Variants in TFDP3 observed in about 807,000 individuals in gnomAD.
The protein encoded by TFDP3 is E2F-like protein.
For synonymous variants in TFDP3, 167 were observed against 131.3 expected, an observed-to-expected ratio of 1.27 and a Z score of -1.86; for missense variants, 353 against 321.6, an observed-to-expected ratio of 1.10 and a Z score of -0.75.
At position 133,218,144 on chromosome X, in the gene TFDP3, T is replaced by C; in HGVS notation, c.116A>G (p.Lys39Arg). 1 of 1,208,649 alleles carries C rather than the reference T, an allele frequency of 8.3e-7. No homozygotes were observed. The highest frequency in any genetic ancestry group is 1.8e-5 in the South Asian group (1 of 56,346). The stretch of plus-strand genomic sequence containing the variant: ...TCCAAAGGTTTTCGGCAAGAGCTGC[T>C]TCCCGAGCGGGTTCACGGTGGAGGT... ...VHTSTVNPLG[K>R]QLLPKTFGQS... Residue 39 changes from lysine to arginine, a missense_variant, in exon 1 of 1, where the codon AAG becomes AGG. Coordinates refer to ENST00000310125, the MANE Select transcript of TFDP3 (RefSeq NM_016521.3).
At position 133,216,832 on chromosome X, in the gene TFDP3, A is replaced by C; in HGVS notation, c.*210T>G. 1 of 414,101 alleles carries C rather than the reference A, an allele frequency of 2.4e-6. No homozygotes were observed. The highest frequency in any genetic ancestry group is 3.8e-6 in the Non-Finnish European group (1 of 264,058). 34.1% of individuals were successfully genotyped at this position (414,101 alleles called of 1,213,427 possible). A position where few individuals can be genotyped will look rare whatever the true frequency, so the allele number is the denominator to read the frequency against. On this transcript the variant is annotated 3_prime_UTR_variant, in exon 1 of 1. Transcript: ENST00000310125. ...AAGTAAATAAAGATTCTGTGTCAGC[A>C]CACTGGTATCAAAACACACATCAAC...
Position 133,217,550 on chromosome X carries a change from T to A in TFDP3, c.710A>T (p.Tyr237Phe). 8.3e-7 allele frequency: 1 copy of A among 1,212,103 alleles called. No individual in the cohort carries two copies. ...AFKNLVLRNQ[Y>F]VEEQVSQRPL... Reference sequence around the variant, plus strand: ...CCGCTGGCTGACCTGCTCCTCCACATACTGGTTTCTCAGCACCAGGTTCTT... The same window carrying A: ...CCGCTGGCTGACCTGCTCCTCCACAAACTGGTTTCTCAGCACCAGGTTCTT... Residue 237 changes from tyrosine to phenylalanine, a missense_variant, in exon 1 of 1, where the codon TAT becomes TTT. Transcript: ENST00000310125.
rs766626788 is a variant in TFDP3, at chrX:133,218,061, C to G, written c.199G>C (p.Ala67Pro). 7 of 1,211,412 alleles carry G rather than the reference C, an allele frequency of 5.8e-6. No homozygotes were observed. The highest frequency in any genetic ancestry group is 7.8e-6 in the Non-Finnish European group (7 of 895,465). ...VVIGMPQRPA[A>P]SNIPVVGSPN... ...CTTCCTACCACAGGGATGTTTGATG[C>G]TGCTGGTCTCTGAGGCATACCAATT... Residue 67 changes from alanine to proline, a missense_variant, in exon 1 of 1, where the codon GCA (alanine) becomes CCA (proline). Transcript: ENST00000310125.
In TFDP3 at chrX:133,217,791, C is replaced by T. The variant is rs369636843; in HGVS notation, c.469G>A (p.Val157Met). Residue 157 changes from valine (V) to methionine (M), a missense_variant, in exon 1 of 1, where the codon GTG becomes ATG. Val to Met is a conservative substitution (Grantham distance 21, BLOSUM62 1). Transcript: ENST00000310125. ...TAGGTGCGCCGTTTTATGTTTTTCACGTCATAAGCTGACTCGTTTGGTGAG... is the reference window on the plus strand; with the variant it reads ...TAGGTGCGCCGTTTTATGTTTTTCATGTCATAAGCTGACTCGTTTGGTGAG... The part of the protein sequence containing the change: ...HASPNESAYD[V>M]KNIKRRTYDA... 1.7e-6 allele frequency: 2 copies of T among 1,209,648 alleles called. No homozygotes were observed. Among genetic ancestry groups the T allele is most frequent in the African/African-American group, 1.8e-5 (1 of 57,017 alleles).
In TFDP3 at chrX:133,217,129, G is replaced by A. The variant is rs1445834206; in HGVS notation, c.1131C>T (p.Gly377=). The change falls in exon 1 of 1, where the codon GGC becomes GGT. Residue 377 remains glycine (G), a synonymous_variant. Coordinates refer to ENST00000310125, the MANE Select transcript of TFDP3 (RefSeq NM_016521.3). Reference sequence around the variant, plus strand: ...CGACTGCTGGGGTCTCCACCCTGGAGCCACTGTACTGAGATCCACCGGAGC... The same window carrying A: ...CGACTGCTGGGGTCTCCACCCTGGAACCACTGTACTGAGATCCACCGGAGC... ...ATSSGGSQYS[G]SRVETPAVEE... 8.3e-7 allele frequency: 1 copy of A among 1,209,708 alleles called. No homozygotes were observed. The highest frequency in any genetic ancestry group is 1.1e-6 in the Non-Finnish European group (1 of 895,232).
In TFDP3 at chrX:133,216,901, G is replaced by T. The variant is rs1018428492; in HGVS notation, c.*141C>A. The stretch of plus-strand genomic sequence containing the variant: ...GGGAAACAATCCTTGCTTATCAGAG[G>T]TGCATATCTAAATTCTATAGCTTAC... On this transcript the variant is annotated 3_prime_UTR_variant, in exon 1 of 1. Coordinates refer to ENST00000310125, the MANE Select transcript of TFDP3 (RefSeq NM_016521.3). The T allele has an allele frequency of 3.5e-6, 3 of 858,954 alleles. No homozygotes were observed. The highest frequency in any genetic ancestry group is 4.2e-5 in the African/African-American group (2 of 47,997). 70.8% of individuals were successfully genotyped at this position (858,954 alleles called of 1,213,427 possible).
At position 133,216,978 on chromosome X, in the gene TFDP3, A is replaced by G; in HGVS notation, c.*64T>C. The stretch of plus-strand genomic sequence containing the variant: ...AAGAAACAGAAAACCTCACATTAAA[A>G]AAAAAAAAAAAGTTTCTTTTCCCTA... On this transcript the variant is annotated 3_prime_UTR_variant, in exon 1 of 1. Coordinates refer to ENST00000310125, the MANE Select transcript of TFDP3 (RefSeq NM_016521.3). 3 of 1,126,127 alleles carry G rather than the reference A, an allele frequency of 2.7e-6. No homozygotes were observed. Among genetic ancestry groups the G allele is most frequent in the Non-Finnish European group, 3.5e-6 (3 of 855,606 alleles). 92.8% of individuals were successfully genotyped at this position (1,126,127 alleles called of 1,213,427 possible). A position where few individuals can be genotyped will look rare whatever the true frequency, so the allele number is the denominator to read the frequency against.
At position 133,217,988 on chromosome X, in the gene TFDP3, T is replaced by TA. The variant is rs780344897; in HGVS notation, c.271dup (p.Tyr91LeufsTer66). ...CTGCCCGGCCCAAGGAGGTGAGGAG[T>TA]AGGAATGCTGGTTCTGAGAGGCAAA... On this transcript the variant is annotated frameshift_variant, in exon 1 of 1. Transcript: ENST00000310125. LOFTEE classifies it low-confidence loss of function (END_TRUNC). 2.5e-6 allele frequency: 3 copies of TA among 1,209,012 alleles called. No homozygotes were observed. The highest frequency in any genetic ancestry group is 3.4e-6 in the Non-Finnish European group (3 of 895,038).
In TFDP3 at chrX:133,216,850, A is replaced by G; in HGVS notation, c.*192T>C. 2.0e-6 allele frequency: 1 copy of G among 495,301 alleles called. No homozygotes were observed. Among genetic ancestry groups the G allele is most frequent in the South Asian group, 6.0e-5 (1 of 16,745 alleles). The allele number at this position is 495,301 out of a possible 1,213,427, so 40.8% of individuals were successfully genotyped here. A position where few individuals can be genotyped will look rare whatever the true frequency, so the allele number is the denominator to read the frequency against. On this transcript the variant is annotated 3_prime_UTR_variant, in exon 1 of 1. Transcript: ENST00000310125. ...TGTCAGCACACTGGTATCAAAACAC[A>G]CATCAACAGCACGTCTTAATCATAC...
chrX:133,217,504 G>A lies in TFDP3; in HGVS notation c.756C>T (p.Ile252=), dbSNP rs1569328883. Residue 252 remains isoleucine (I), a synonymous_variant, in exon 1 of 1, where the codon ATC becomes ATT. Transcript: ENST00000310125. ...TGCTGATGATGATGAAGGGCACGTG[G>A]ATGACTGAGTTGGGCAGCGGCCGCT... The part of the protein sequence containing the change: ...VSQRPLPNSV[I]HVPFIIISSS... 2.5e-6 allele frequency: 3 copies of A among 1,212,179 alleles called. No individual in the cohort carries two copies. Among genetic ancestry groups the A allele is most frequent in the East Asian group, 5.9e-5 (2 of 33,868 alleles).
At position 133,217,812 on chromosome X, in the gene TFDP3, G is replaced by C. The variant is rs770582451; in HGVS notation, c.448C>G (p.Pro150Ala). ...KFRAASNHAS[P>A]NESAYDVKNI... ...TTCACGTCATAAGCTGACTCGTTTGGTGAGGCGTGGTTGCTGGCAGCTCTG... is the reference window on the plus strand; with the variant it reads ...TTCACGTCATAAGCTGACTCGTTTGCTGAGGCGTGGTTGCTGGCAGCTCTG... The change falls in exon 1 of 1, where the codon CCA (proline) becomes GCA (alanine). Residue 150 changes from proline (P) to alanine (A), a missense_variant. Pro to Ala is a conservative substitution (Grantham distance 27, BLOSUM62 -1). Transcript: ENST00000310125. 8.3e-6 allele frequency: 10 copies of C among 1,211,588 alleles called. No homozygotes were observed. Among genetic ancestry groups the C allele is most frequent in the Non-Finnish European group, 1.1e-5 (10 of 895,487 alleles).
chrX:133,217,071 C>G lies in TFDP3; in HGVS notation c.1189G>C (p.Asp397His). ...EEEEEDNNDD[D>H]LSENDEDD is the part of the protein sequence containing the mutation. ...TCATCCTCGTCATTCTCACTGAGGT[C>G]GTCATCGTTGTTGTCCTCCTCCTCT... The change falls in exon 1 of 1, where the codon GAC (aspartate) becomes CAC (histidine). Residue 397 changes from aspartate (D) to histidine (H), a missense_variant. By Grantham distance (81) the Asp-to-His change is moderately conservative (BLOSUM62 -1). Coordinates refer to ENST00000310125, the MANE Select transcript of TFDP3 (RefSeq NM_016521.3). The G allele has an allele frequency of 8.3e-7, 1 of 1,207,226 alleles. No homozygotes were observed. Among genetic ancestry groups the G allele is most frequent in the Non-Finnish European group, 1.1e-6 (1 of 892,499 alleles).
chrX:133,217,026 T>G lies in TFDP3; in HGVS notation c.*16A>C. On this transcript the variant is annotated 3_prime_UTR_variant, in exon 1 of 1. Transcript: ENST00000310125. ...CTAAATGTTTTCCTGAAGCTGAATC[T>G]TAAGGCGAGAGGACGTCAGTCATCC... The G allele has an allele frequency of 1.7e-6, 2 of 1,169,682 alleles. No homozygotes were observed. Among genetic ancestry groups the G allele is most frequent in the Non-Finnish European group, 2.3e-6 (2 of 875,023 alleles).
In TFDP3 at chrX:133,217,173, T is replaced by C. The variant is rs1165455706; in HGVS notation, c.1087A>G (p.Ile363Val). Residue 363 changes from isoleucine to valine, a missense_variant, in exon 1 of 1, where the codon ATT becomes GTT. Transcript: ENST00000310125. ...CCGGAGCTTGTGGCCAGCATCCCAATCGCAATGTTGGTCAGGTCACTGGCA... is the reference window on the plus strand; with the variant it reads ...CCGGAGCTTGTGGCCAGCATCCCAACCGCAATGTTGGTCAGGTCACTGGCA... ...LSASDLTNIAIGMLATSSGGS... is the reference protein window; with the variant it reads ...LSASDLTNIAVGMLATSSGGS... The C allele has an allele frequency of 2.5e-6, 3 of 1,211,282 alleles. No individual in the cohort carries two copies. The highest frequency in any genetic ancestry group is 1.8e-5 in the South Asian group (1 of 56,926).
In TFDP3 at chrX:133,217,676, T is replaced by A. The variant is rs1257404233; in HGVS notation, c.584A>T (p.Gln195Leu). The A allele has an allele frequency of 8.3e-7, 1 of 1,210,634 alleles. No individual in the cohort carries two copies. The highest frequency in any genetic ancestry group is 1.7e-5 in the African/African-American group (1 of 57,375). ...KWIGLTTNSA[Q>L]NCQNLRVERQ... ...TTCCACCCGTAAGTTCTGACAGTTC[T>A]GAGCCGAGTTGGTGGTCAGACCAAT... Residue 195 changes from glutamine to leucine, a missense_variant, in exon 1 of 1, where the codon CAG becomes CTG. By Grantham distance (113) the Gln-to-Leu change is moderately radical (BLOSUM62 -2). Coordinates refer to ENST00000310125, the MANE Select transcript of TFDP3 (RefSeq NM_016521.3).
chrX:133,217,290 C>A lies in TFDP3; in HGVS notation c.970G>T (p.Ala324Ser), dbSNP rs2068015916. The A allele has an allele frequency of 8.3e-7, 1 of 1,210,697 alleles. No homozygotes were observed. The highest frequency in any genetic ancestry group is 2.2e-5 in the Admixed American group (1 of 45,836). ...LKMARNLVPK[A>S]LEPYVTEMAQ... ...ATTTCTGTCACGTACGGCTCCAGAG[C>A]CTTTGGGACCAAATTTCTGGCCATT... The change falls in exon 1 of 1, where the codon GCT becomes TCT. Residue 324 changes from alanine to serine, a missense_variant. Ala to Ser is a moderately conservative substitution (Grantham distance 99). Transcript: ENST00000310125.
rs770998600 is a variant in TFDP3, at chrX:133,217,514, T to C, written c.746A>G (p.Asn249Ser). Residue 249 changes from asparagine to serine, a missense_variant, in exon 1 of 1, where the codon AAC becomes AGC. Asn to Ser is a conservative substitution (Grantham distance 46). Transcript: ENST00000310125. ...EEQVSQRPLPNSVIHVPFIII... is the reference protein window; with the variant it reads ...EEQVSQRPLPSSVIHVPFIII... ...GATGAAGGGCACGTGGATGACTGAGTTGGGCAGCGGCCGCTGGCTGACCTG... is the reference window on the plus strand; with the variant it reads ...GATGAAGGGCACGTGGATGACTGAGCTGGGCAGCGGCCGCTGGCTGACCTG... 6.6e-6 allele frequency: 8 copies of C among 1,210,421 alleles called. No individual in the cohort carries two copies. Among genetic ancestry groups the C allele is most frequent in the Non-Finnish European group, 1.1e-6 (1 of 895,395 alleles).
chrX:133,217,087 C>T lies in TFDP3; in HGVS notation c.1173G>A (p.Glu391=), dbSNP rs1372018513. ...CACTGAGGTCGTCATCGTTGTTGTC[C>T]TCCTCCTCTTCCTCCTCGACTGCTG... ...ETPAVEEEEE[E]DNNDDDLSEN... Residue 391 remains glutamate (E), a synonymous_variant, in exon 1 of 1, where the codon GAG becomes GAA. Coordinates refer to ENST00000310125, the MANE Select transcript of TFDP3 (RefSeq NM_016521.3). 3 of 1,210,164 alleles carry T rather than the reference C, an allele frequency of 2.5e-6. No individual in the cohort carries two copies. In the Admixed American group the frequency reaches 6.5e-5, roughly 26 times the overall value.
Position 133,218,030 on chromosome X carries a change from T to A in TFDP3, c.230A>T (p.Asn77Ile). ...AGAGGCAAAGTGAGTGCTGGGTGGGTTTGGGCTTCCTACCACAGGGATGTT... is the reference window on the plus strand; with the variant it reads ...AGAGGCAAAGTGAGTGCTGGGTGGGATTGGGCTTCCTACCACAGGGATGTT... The part of the protein sequence containing the change: ...ASNIPVVGSP[N>I]PPSTHFASQN... Residue 77 changes from asparagine (N) to isoleucine (I), a missense_variant, in exon 1 of 1, where the codon AAC (asparagine) becomes ATC (isoleucine). Physicochemically the swap from Asn to Ile is moderately radical, Grantham distance 149 (BLOSUM62 -3). Coordinates refer to ENST00000310125, the MANE Select transcript of TFDP3 (RefSeq NM_016521.3). 8.3e-7 allele frequency: 1 copy of A among 1,211,455 alleles called. No individual in the cohort carries two copies. Among genetic ancestry groups the A allele is most frequent in the Non-Finnish European group, 1.1e-6 (1 of 895,434 alleles).
Sources: gnomAD v4.1 joint callset for allele counts on GRCh38, gnomAD v4.1.1 for gene constraint, MANE v1.5 for transcripts, NCBI Gene and HGNC (gene_info 2026-07-23, HGNC 2026-07-21) for gene names.